Variants in ITGAD observed in about 807,000 individuals in gnomAD.
ITGAD encodes integrin subunit alpha D.
Under a neutral mutation model 139.0 loss-of-function variants are expected in ITGAD, and 105 were observed. The ratio of observed to expected loss-of-function variants is 0.76; its 90% CI spans 0.65 to 0.89. The LOEUF (loss-of-function observed/expected upper bound fraction) is 0.89. Among genes scored for constraint, ITGAD ranks in the 40% least tolerant of loss-of-function variants. The pLI, the probability that ITGAD is intolerant of heterozygous loss-of-function variation, is 0.00. For missense variants in ITGAD, 1,384 were observed against 1,487.3 expected (o/e 0.93, Z 1.14); for synonymous variants, 569 against 598.3 (o/e 0.95, Z 0.71).
chr16:31,408,747 C>T (rs2081603929), intron 10 of ITGAD: 2 of 463,946 alleles, frequency 4.3e-6, no homozygotes, highest in African/African-American at 4.0e-5. Flanking sequence ...CACTAAGCAT[C>T]AGGGTAGAGA....
At position 31,426,159 on chromosome 16, in the gene ITGAD, G is replaced by A. The variant is rs1350569312; in HGVS notation, c.*31G>A. On this transcript the variant is annotated 3_prime_UTR_variant, in exon 30 of 30. Coordinates refer to ENST00000389202, the MANE Select transcript of ITGAD (RefSeq NM_005353.3). The stretch of plus-strand genomic sequence containing the variant: ...CACTTTCCTGTTTATCTCTACCACT[G>A]TGGGCTGGACTTGCTTGCAACCATA... The A allele has an allele frequency of 4.9e-6, 7 of 1,432,642 alleles. No individual in the cohort carries two copies. In the East Asian group the frequency reaches 6.9e-5, roughly 14 times the overall value. 88.7% of individuals were successfully genotyped at this position (1,432,642 alleles called of 1,614,324 possible).
rs1567343456 is a variant in ITGAD, at chr16:31,413,257, C to T, written c.1996+11C>T. 6.2e-7 allele frequency: 1 copy of T among 1,613,544 alleles called. No homozygotes were observed. Among genetic ancestry groups the T allele is most frequent in the Non-Finnish European group, 8.5e-7 (1 of 1,179,696 alleles). ...CACTGGACCAGCTAGGTGTGTTTCC[C>T]CCATAAAGGGGGCCCAGGCCCCTCA... On this transcript the variant is annotated intron_variant, in intron 16 of 29. Transcript: ENST00000389202.
In ITGAD at chr16:31,416,586, A is replaced by G. The variant is rs751525456; in HGVS notation, c.2439A>G (p.Gly813=). The stretch of plus-strand genomic sequence containing the variant: ...GGAACGCAGGTGAGGATTCCTACGG[A>G]ACCGTGGTCAGCCTCTACTATCCAG... ...TVWNAGEDSY[G]TVVSLYYPAG... The change falls in exon 20 of 30, where the codon GGA becomes GGG. Residue 813 remains glycine (G), a synonymous_variant. Coordinates refer to ENST00000389202, the MANE Select transcript of ITGAD (RefSeq NM_005353.3). 1.9e-6 allele frequency: 3 copies of G among 1,613,920 alleles called. No homozygotes were observed. Among genetic ancestry groups the G allele is most frequent in the Non-Finnish European group, 2.5e-6 (3 of 1,179,852 alleles).
intron 7 of ITGAD, chr16:31,404,062 T>C (rs189340396): frequency 5.4e-6 from 1 of 184,138 alleles, no homozygotes; most frequent in Admixed American, 5.7e-5. Flanking sequence ...AGGATTGAGA[T>C]CATGTGTGTG....
In ITGAD at chr16:31,397,362, C is replaced by T. The variant is rs150915570; in HGVS notation, c.141C>T (p.Leu47=). ...QSVVQFGGSR[L]VVGAPLEVVA... ...ATGGCCATGGTTGTGTCTCCAGACTCGTGGTGGGAGCACCCCTGGAGGTGG... is the reference window on the plus strand; with the variant it reads ...ATGGCCATGGTTGTGTCTCCAGACTTGTGGTGGGAGCACCCCTGGAGGTGG... Residue 47 remains leucine, a synonymous_variant, in exon 3 of 30, where the codon CTC becomes CTT. Coordinates refer to ENST00000389202, the MANE Select transcript of ITGAD (RefSeq NM_005353.3). The T allele has an allele frequency of 1.3e-4, 201 of 1,593,990 alleles. No homozygotes were observed. The African/African-American group carries it at 2.3e-3, about 18-fold the overall frequency.
At position 31,413,980 on chromosome 16, in the gene ITGAD, T is replaced by G. The variant is rs114030994; in HGVS notation, c.1997-471T>G. 1.6e-3 allele frequency among the ~76,000 whole-genome samples: 243 copies of G among 152,348 alleles called. 1 individual carries two copies. The highest frequency in any genetic ancestry group is 5.7e-3 in the African/African-American group (238 of 41,586). ...CATCACGTCCCATGTGCTTGGCTTCTTTCTTAGATTGTGAGGTTCATGAGA... is the reference window on the plus strand; with the variant it reads ...CATCACGTCCCATGTGCTTGGCTTCGTTCTTAGATTGTGAGGTTCATGAGA... On this transcript the variant is annotated intron_variant, in intron 16 of 29. Transcript: ENST00000389202.
intron 12 of ITGAD, 79 bp downstream of exon 12, chr16:31,410,957 G>C (rs2081685881): frequency 8.1e-6 from 13 of 1,596,464 alleles, no homozygotes; most frequent in African/African-American, 1.3e-5. Flanking sequence ...GCTAGGGAGA[G>C]GATGGAGGGG....
Position 31,426,114 on chromosome 16 carries a change from G to A in ITGAD, c.3472G>A (p.Val1158Met), listed in dbSNP as rs965737563. 9 of 1,609,748 alleles carry A rather than the reference G, an allele frequency of 5.6e-6. No homozygotes were observed. The East Asian group carries it at 1.1e-4, about 20-fold the overall frequency. Residue 1158 changes from valine to methionine, a missense_variant, in exon 30 of 30, where the codon GTG (valine) becomes ATG (methionine). Physicochemically the swap from Val to Met is conservative, Grantham distance 21 (BLOSUM62 1). Coordinates refer to ENST00000389202, the MANE Select transcript of ITGAD (RefSeq NM_005353.3). ...CGATTTCAGCTGTGTGGCCCCAAAT[G>A]TGCCTTTGTCCTAATAATCCACTTT... ...GDDFSCVAPN[V>M]PLS
In ITGAD at chr16:31,393,410, C is replaced by T; in HGVS notation, c.31+19C>T. On this transcript the variant is annotated intron_variant, in intron 1 of 29. Coordinates refer to ENST00000389202, the MANE Select transcript of ITGAD (RefSeq NM_005353.3). ...CTGAGTGGTAAGTGGGGCCAGGGTG[C>T]TGGGGAGAAGCTTGGAGGAGTTCTG... The T allele has an allele frequency of 6.2e-7, 1 of 1,613,854 alleles. No homozygotes were observed.
rs1197361444 is a variant in ITGAD, at chr16:31,416,604, C to T, written c.2457C>T (p.Tyr819=). The change falls in exon 20 of 30, where the codon TAC becomes TAT. Residue 819 remains tyrosine, a synonymous_variant. Transcript: ENST00000389202. ...EDSYGTVVSL[Y]YPAGLSHRRV... ...CCTACGGAACCGTGGTCAGCCTCTA[C>T]TATCCAGCAGGGCTGTCGCACCGAC... The T allele has an allele frequency of 1.2e-6, 2 of 1,613,586 alleles. No individual in the cohort carries two copies. Among genetic ancestry groups the T allele is most frequent in the East Asian group, 2.2e-5 (1 of 44,872 alleles).
chr16:31,403,583 G>A lies in ITGAD; in HGVS notation c.642G>A (p.Leu214=). ...QFRTSPSQQS[L]VDPIVQLKGL... ...GGACCAGCCCGAGCCAGCAGAGCCT[G>A]GTGGATCCCATCGTCCAACTGAAAG... Residue 214 remains leucine (L), a synonymous_variant, in exon 7 of 30, where the codon CTG becomes CTA. Coordinates refer to ENST00000389202, the MANE Select transcript of ITGAD (RefSeq NM_005353.3). This position sits in a 1 kb window ranked among gnomAD's most constrained non-coding sequence, Gnocchi z 4.4. 3 of 1,614,182 alleles carry A rather than the reference G, an allele frequency of 1.9e-6. No homozygotes were observed. The highest frequency in any genetic ancestry group is 1.6e-4 in the Middle Eastern group (1 of 6,062).
In ITGAD at chr16:31,424,125, C is replaced by T. The variant is rs143897954; in HGVS notation, c.3183C>T (p.Val1061=). 1.2e-5 allele frequency: 20 copies of T among 1,614,184 alleles called. No individual in the cohort carries two copies. In the East Asian group the frequency reaches 2.9e-4, roughly 23 times the overall value. Residue 1061 remains valine (V), a synonymous_variant, in exon 28 of 30, where the codon GTC becomes GTT. Transcript: ENST00000389202. ...AGACATTGCAGAAGAAGGTGTTGGT[C>T]GTGAGTGTGGCTGAAATTACGTTCG... ...VRETLQKKVL[V]VSVAEITFDT...
intron 18 of ITGAD, among the ~76,000 whole-genome samples, chr16:31,415,314 T>G (rs1446683706): frequency 6.6e-6 from 1 of 152,174 alleles, no homozygotes; most frequent in African/African-American, 2.4e-5. Flanking sequence ...TAGAGTCGAC[T>G]GGTCCTAAAA....
chr16:31,421,032 G>A lies in ITGAD; in HGVS notation c.2781-2082G>A, dbSNP rs529716304. On this transcript the variant is annotated intron_variant, in intron 23 of 29. Transcript: ENST00000389202. ...AGTTATATATACCCATGTCAGGCAC[G>A]TTTTATGTTGCTGTTGTTTTATGGT... Among the ~76,000 whole-genome samples, 3 of 152,274 alleles carry A rather than the reference G, an allele frequency of 2.0e-5. No individual in the cohort carries two copies. The South Asian group carries it at 6.2e-4, about 32-fold the overall frequency.
At chr16:31,412,500 G>A (rs1001430365) in intron 14 of ITGAD, among the ~76,000 whole-genome samples, 5 of 152,126 alleles carry the variant, frequency 3.3e-5, no homozygotes, top group Admixed American at 6.5e-5. Context: ...CCAGCGGGTT[G>A]CTGGAAAGAT....
intron 4 of ITGAD, 60 bp from the exon 5 acceptor site, chr16:31,397,735 G>T: frequency 6.3e-7 from 1 of 1,589,260 alleles, no homozygotes; most frequent in East Asian, 2.3e-5. Flanking sequence ...GGAGGCTGGG[G>T]CTGGGAGTGA....
chr16:31,404,933 G>T lies in ITGAD; in HGVS notation c.704+1288G>T, dbSNP rs1050234776. On this transcript the variant is annotated intron_variant, in intron 7 of 29. Coordinates refer to ENST00000389202, the MANE Select transcript of ITGAD (RefSeq NM_005353.3). ...TGTTTTGTATTTTAGACAGAGTCTTGCTCTGTTGCTCAGGCTGGAGTGCAA... is the reference window on the plus strand; with the variant it reads ...TGTTTTGTATTTTAGACAGAGTCTTTCTCTGTTGCTCAGGCTGGAGTGCAA... Among the ~76,000 whole-genome samples, 4 of 148,530 alleles carry T rather than the reference G, an allele frequency of 2.7e-5. No individual in the cohort carries two copies. The South Asian group carries it at 6.6e-4, about 25-fold the overall frequency.
Position 31,424,597 on chromosome 16 carries a change from C to A in ITGAD, c.3372+20C>A. 4.2e-6 allele frequency: 5 copies of A among 1,201,016 alleles called. No individual in the cohort carries two copies. Among genetic ancestry groups the A allele is most frequent in the Non-Finnish European group, 4.6e-6 (4 of 871,610 alleles). 74.4% of individuals were successfully genotyped at this position (1,201,016 alleles called of 1,614,324 possible). ...TACAAGGCAAGTGTTTTATCCAACT[C>A]TTTTTTTTTTTTTTTTGAGATGGAG... On this transcript the variant is annotated intron_variant, in intron 29 of 29. Coordinates refer to ENST00000389202, the MANE Select transcript of ITGAD (RefSeq NM_005353.3).
At chr16:31,406,741 G>A (rs1206458914) in intron 7 of ITGAD, among the ~76,000 whole-genome samples, 1 of 152,146 alleles carries the variant, frequency 6.6e-6, no homozygotes, top group East Asian at 1.9e-4. Flanking sequence ...ACCTATAACT[G>A]GCATGGTGTC....
Sources: gnomAD v4.1 joint callset for allele counts (sites outside exome capture counted in the v4.1 genomes callset) on GRCh38, gnomAD v4.1.1 for gene constraint, Gnocchi (gnomAD v3.1) non-coding constraint, MANE v1.5 for transcripts, NCBI Gene and HGNC (gene_info 2026-07-23, HGNC 2026-07-21) for gene names.